The following ADAM23 variants were observed in gnomAD, a reference collection of about 807,000 sequenced individuals.
The protein encoded by ADAM23 is disintegrin and metalloproteinase domain-containing protein 23.
Under a neutral mutation model 120.1 loss-of-function variants are expected in ADAM23, and 33 were observed. The ratio of observed to expected loss-of-function variants is 0.27; its 90% CI spans 0.21 to 0.37. The LOEUF (loss-of-function observed/expected upper bound fraction) is 0.37, where lower values mean the gene tolerates loss of function less well. ADAM23 is among the 10% of genes least tolerant of loss of function. The pLI is 1.00. For synonymous variants in ADAM23, 367 were observed against 375.2 expected (o/e 0.98, Z 0.25); for missense variants, 862 against 1,058.2 (o/e 0.81, Z 2.57).
intron 24 of ADAM23, chr2:206,605,801 A>T: frequency 1.4e-6 from 1 of 702,456 alleles, no homozygotes; most frequent in Non-Finnish European, 2.6e-6. Flanking sequence ...GAATATGGCC[A>T]CAAGCAGGCT....
chr2:206,515,829 G>GT (rs11389305), intron 3 of ADAM23, among the ~76,000 whole-genome samples: 8,050 of 151,734 alleles, frequency 0.053, 696 homozygotes, highest in African/African-American at 0.18. Flanking sequence ...GTTCTTTAGA[G>GT]TTTTTTTTCC....
At chr2:206,444,175 C>T in intron 1 of ADAM23, 95 bp downstream of exon 1, 1 of 1,007,696 alleles carries the variant, frequency 9.9e-7, no homozygotes, top group Non-Finnish European at 1.3e-6. Context: ...CGGGCTTGTC[C>T]CCGGCTCGGC....
chr2:206,551,480 G>A (rs1314135762), intron 9 of ADAM23, among the ~76,000 whole-genome samples: 1 of 152,154 alleles, frequency 6.6e-6, no homozygotes, highest in Non-Finnish European at 1.5e-5. Flanking sequence ...TTATATAGAT[G>A]AGAATCTTTT....
intron 21 of ADAM23, among the ~76,000 whole-genome samples, chr2:206,592,330 G>A (rs916983906): frequency 1.2e-4 from 19 of 152,090 alleles, no homozygotes; most frequent in Non-Finnish European, 2.8e-4. Context: ...ACGAGAAGGG[G>A]GAATGGATAG....
chr2:206,606,754 T>C (rs1310278938), intron 24 of ADAM23: 1 of 152,204 alleles, frequency 6.6e-6, no homozygotes, highest in African/African-American at 2.4e-5. Flanking sequence ...TAGATTAAAA[T>C]ATTATCATGA....
chr2:206,601,772 CAAAA>C (rs35118372), intron 24 of ADAM23, among the ~76,000 whole-genome samples: 1 of 81,176 alleles, frequency 1.2e-5, no homozygotes, highest in Non-Finnish European at 2.6e-5. Context: ...AGACCCTTCT[CAAAA>C]AAAAAAAAAA....
intron 2 of ADAM23, among the ~76,000 whole-genome samples, chr2:206,454,759 G>A (rs1049554925): frequency 6.6e-6 from 1 of 152,190 alleles, no homozygotes; most frequent in Non-Finnish European, 1.5e-5. Context: ...ATGCAAGTCC[G>A]AAACCTAGCA....
chr2:206,587,870 T>A (rs1250570236), intron 19 of ADAM23, among the ~76,000 whole-genome samples: 2 of 152,234 alleles, frequency 1.3e-5, no homozygotes, highest in African/African-American at 4.8e-5. Context: ...TTGTAGATGT[T>A]TAGTTTACAT....
chr2:206,558,040 A>C lies in ADAM23; in HGVS notation c.1005+542A>C, dbSNP rs558357653. Among the ~76,000 whole-genome samples, 6 of 152,346 alleles carry C rather than the reference A, an allele frequency of 3.9e-5. No homozygotes were observed. The South Asian group carries it at 1.2e-3, about 32-fold the overall frequency. The stretch of plus-strand genomic sequence containing the variant: ...TCCCCAAATAAAACTAATTTGGAAG[A>C]ATAAAATATGTATCTCCTTACAAAG... On this transcript the variant is annotated intron_variant, in intron 10 of 25. Transcript: ENST00000264377.
At chr2:206,468,831 A>T (rs769036767) in intron 2 of ADAM23, among the ~76,000 whole-genome samples, 3 of 152,222 alleles carry the variant, frequency 2.0e-5, no homozygotes, top group Non-Finnish European at 2.9e-5. Flanking sequence ...ATGGTTCTGT[A>T]GGCTGTACAG....
chr2:206,596,787 G>T (rs1698535355), intron 24 of ADAM23, among the ~76,000 whole-genome samples: 1 of 152,208 alleles, frequency 6.6e-6, no homozygotes, highest in East Asian at 1.9e-4. Context: ...AGACCCTGAG[G>T]TCAGGTCACT....
chr2:206,518,890 A>G (rs1024317648), intron 3 of ADAM23, among the ~76,000 whole-genome samples: 16 of 152,330 alleles, frequency 1.1e-4, no homozygotes, highest in African/African-American at 3.6e-4. Context: ...ATAGCTGATT[A>G]TTTGACAAAG....
At chr2:206,605,757 TTG>T (rs781145012) in intron 24 of ADAM23, 8 of 702,410 alleles carry the variant, frequency 1.1e-5, no homozygotes, top group Admixed American at 2.0e-5. Flanking sequence ...GTAATTTCCT[TTG>T]TTAAAAAATC....
chr2:206,512,876 C>A (rs576885574), intron 3 of ADAM23, among the ~76,000 whole-genome samples: 2 of 152,158 alleles, frequency 1.3e-5, no homozygotes, highest in African/African-American at 4.8e-5. Flanking sequence ...TGGTAATTCT[C>A]GCAGTATTTC....
At chr2:206,493,878 A>G (rs1288913168) in intron 3 of ADAM23, among the ~76,000 whole-genome samples, 1 of 152,180 alleles carries the variant, frequency 6.6e-6, no homozygotes, top group Non-Finnish European at 1.5e-5. Flanking sequence ...ACTAAACTAC[A>G]TGTGACCAGA....
chr2:206,583,409 G>T (rs1274575628), intron 18 of ADAM23, among the ~76,000 whole-genome samples: 1 of 151,430 alleles, frequency 6.6e-6, no homozygotes, highest in Non-Finnish European at 1.5e-5. Flanking sequence ...AGCCGAGATA[G>T]TGCCACTGCA....
At chr2:206,541,863 C>T (rs1190339237) in intron 4 of ADAM23, among the ~76,000 whole-genome samples, 189 bp from the exon 5 acceptor site, 2 of 152,138 alleles carry the variant, frequency 1.3e-5, no homozygotes, top group African/African-American at 4.8e-5. Context: ...TTAACACACA[C>T]ATGCTTGTTA....
chr2:206,574,007 G>A (rs1372898391), intron 18 of ADAM23, among the ~76,000 whole-genome samples: 1 of 151,846 alleles, frequency 6.6e-6, no homozygotes, highest in Non-Finnish European at 1.5e-5. Context: ...TGCGGTTTTT[G>A]CCATTGCTTT....
intron 10 of ADAM23, 73 bp downstream of exon 10, chr2:206,557,571 T>C (rs1358178607): frequency 3.7e-6 from 5 of 1,355,100 alleles, no homozygotes; most frequent in African/African-American, 1.4e-5. Flanking sequence ...ACTTGTACTT[T>C]AGGTATTTCT....
Sources: gnomAD v4.1 joint callset for allele counts (sites outside exome capture counted in the v4.1 genomes callset) on GRCh38, gnomAD v4.1.1 for gene constraint, MANE v1.5 for transcripts, NCBI Gene and HGNC (gene_info 2026-07-23, HGNC 2026-07-21) for gene names.